The following TLN2 variants were observed in gnomAD, a reference collection of about 807,000 sequenced individuals.
TLN2 encodes the protein talin 2.
In TLN2, 118 loss-of-function variants were observed where a neutral mutation model predicts 294.7. The observed-to-expected ratio is 0.40, with a 90% CI of 0.34 to 0.47. The LOEUF (loss-of-function observed/expected upper bound fraction) is 0.47. Ranked by LOEUF, TLN2 falls within the 20% of genes least tolerant of loss-of-function variation. TLN2 has a pLI of 0.84. For missense variants in TLN2, 3,083 were observed against 3,282.2 expected (o/e 0.94, Z 1.48); for synonymous variants, 1,431 against 1,304.5 (o/e 1.10, Z -2.09).
intron 1 of TLN2, among the ~76,000 whole-genome samples, chr15:62,528,766 G>A (rs1370836997): frequency 6.8e-6 from 1 of 146,838 alleles, no homozygotes; most frequent in Non-Finnish European, 1.5e-5. Context: ...TGAAGACTGA[G>A]CCACCACTTG....
At chr15:62,433,940 G>C (rs1192676652) in intron 1 of TLN2, among the ~76,000 whole-genome samples, 3 of 152,080 alleles carry the variant, frequency 2.0e-5, no homozygotes, top group African/African-American at 7.2e-5. Context: ...AGTGAGCCGA[G>C]ATCACGCCAC....
intron 44 of TLN2, among the ~76,000 whole-genome samples, chr15:62,782,423 G>A (rs2064256774): frequency 6.6e-6 from 1 of 152,242 alleles, no homozygotes; most frequent in Non-Finnish European, 1.5e-5. Context: ...TGAGCAGGAA[G>A]CACAGTGCAG....
chr15:62,631,041 C>T (rs1310315681), intron 3 of TLN2, among the ~76,000 whole-genome samples: 4 of 150,502 alleles, frequency 2.7e-5, no homozygotes, highest in African/African-American at 9.7e-5. Flanking sequence ...AAATGCTTAG[C>T]TAGCCTTTTC....
At chr15:62,809,696 C>T (rs1045128715) in intron 51 of TLN2, among the ~76,000 whole-genome samples, 1 of 152,208 alleles carries the variant, frequency 6.6e-6, no homozygotes, top group Non-Finnish European at 1.5e-5. Flanking sequence ...CTGTTTCTAT[C>T]GTTTGGCCCC....
At chr15:62,693,853 T>TA (rs1218378687) in intron 13 of TLN2, among the ~76,000 whole-genome samples, 1 of 152,030 alleles carries the variant, frequency 6.6e-6, no homozygotes, top group Non-Finnish European at 1.5e-5. Context: ...GCTTACTAAA[T>TA]ATCCAGTATA....
At chr15:62,667,286 A>G (rs2054823872) in intron 9 of TLN2, among the ~76,000 whole-genome samples, 1 of 152,170 alleles carries the variant, frequency 6.6e-6, no homozygotes, top group Non-Finnish European at 1.5e-5. Flanking sequence ...TTTCTGTCAC[A>G]TTCCCAGGTG....
At chr15:62,744,283 G>T (rs973309777) in intron 32 of TLN2, among the ~76,000 whole-genome samples, 13 of 151,832 alleles carry the variant, frequency 8.6e-5, no homozygotes, top group Admixed American at 6.6e-4. Flanking sequence ...TCCCGCCCTG[G>T]TACTGCTTTC....
intron 22 of TLN2, among the ~76,000 whole-genome samples, chr15:62,715,275 A>G (rs2059694078): frequency 6.6e-6 from 1 of 152,162 alleles, no homozygotes; most frequent in Non-Finnish European, 1.5e-5. Context: ...TTGGAAATCT[A>G]GACGTTTAGA....
chr15:62,570,792 C>G (rs1001435758), intron 1 of TLN2, among the ~76,000 whole-genome samples: 11 of 152,214 alleles, frequency 7.2e-5, no homozygotes, highest in Non-Finnish European at 1.5e-5. Context: ...CTGAATGTCT[C>G]CTGCATGGGA....
intron 2 of TLN2, among the ~76,000 whole-genome samples, chr15:62,607,576 A>G (rs1316482257): frequency 6.6e-6 from 1 of 152,180 alleles, no homozygotes; most frequent in Admixed American, 6.5e-5. Context: ...GGAATAATAA[A>G]CGAAACGTCC....
At chr15:62,514,178 G>A (rs1323921114) in intron 1 of TLN2, among the ~76,000 whole-genome samples, 2 of 152,142 alleles carry the variant, frequency 1.3e-5, no homozygotes, top group Non-Finnish European at 2.9e-5. Flanking sequence ...AGCTTTTTTA[G>A]TTCTTGTTGG....
intron 21 of TLN2, among the ~76,000 whole-genome samples, chr15:62,710,032 A>T (rs771618412): frequency 2.6e-5 from 4 of 152,086 alleles, no homozygotes; most frequent in Non-Finnish European, 4.4e-5. Context: ...ACCATGCCCA[A>T]CCTGGACTTT....
chr15:62,617,551 C>T (rs1478949738), intron 2 of TLN2, among the ~76,000 whole-genome samples: 1 of 152,202 alleles, frequency 6.6e-6, no homozygotes, highest in African/African-American at 2.4e-5. Flanking sequence ...CCCCTTTCTC[C>T]AGCCTCTCTG....
At chr15:62,739,569 G>C in intron 31 of TLN2, 24 bp downstream of exon 31, 22 of 1,613,430 alleles carry the variant, frequency 1.4e-5, no homozygotes, top group Non-Finnish European at 1.9e-5. Context: ...TGGTTGTCTG[G>C]AGTTGACCTT....
chr15:62,427,477 G>A (rs1320969682), intron 1 of TLN2, among the ~76,000 whole-genome samples: 1 of 152,164 alleles, frequency 6.6e-6, no homozygotes, highest in Non-Finnish European at 1.5e-5. Flanking sequence ...AAGGTGGCAG[G>A]AAGAGGAAGG....
intron 32 of TLN2, among the ~76,000 whole-genome samples, chr15:62,745,338 A>T (rs1000614672): frequency 1.1e-4 from 16 of 152,214 alleles, no homozygotes; most frequent in African/African-American, 3.6e-4. Context: ...TGGTAAAAAA[A>T]AAATAAAAGT....
At chr15:62,621,385 C>T (rs1372726370) in intron 3 of TLN2, among the ~76,000 whole-genome samples, 1 of 151,924 alleles carries the variant, frequency 6.6e-6, no homozygotes, top group Admixed American at 6.6e-5. Flanking sequence ...AAGGTAAAGT[C>T]GATACACAGA....
Position 62,739,502 on chromosome 15 carries a change from A to G in TLN2, c.3842A>G (p.Asp1281Gly). The change falls in exon 31 of 59, where the codon GAT becomes GGT. Residue 1281 changes from aspartate to glycine, a missense_variant. Coordinates refer to ENST00000636159, the MANE Select transcript of TLN2 (RefSeq NM_015059.3). ...TCTGGAAAGTTCAGTGATGATTTTG[A>G]TGAATTCCTCGATGCTGGCATTGAG... ...AASGKFSDDF[D>G]EFLDAGIEMA... 6.2e-7 allele frequency: 1 copy of G among 1,614,172 alleles called. No individual in the cohort carries two copies.
intron 1 of TLN2, among the ~76,000 whole-genome samples, chr15:62,397,434 G>C (rs1420931322): frequency 3.3e-5 from 5 of 151,952 alleles, no homozygotes; most frequent in Non-Finnish European, 5.9e-5. Flanking sequence ...ATTTGTATTT[G>C]ATATTTTTTT....
Sources: gnomAD v4.1 joint callset for allele counts (sites outside exome capture counted in the v4.1 genomes callset) on GRCh38, gnomAD v4.1.1 for gene constraint, MANE v1.5 for transcripts, NCBI Gene and HGNC (gene_info 2026-07-23, HGNC 2026-07-21) for gene names.